GINM1: variants seen among roughly 807,000 people sequenced by gnomAD.
The protein encoded by GINM1 is glycoprotein integral membrane protein 1.
Under a neutral mutation model 37.8 loss-of-function variants are expected in GINM1, and 29 were observed. The ratio of observed to expected loss-of-function variants is 0.77; its 90% confidence interval spans 0.57 to 1.05. The LOEUF (loss-of-function observed/expected upper bound fraction) is 1.05, where lower values mean the gene tolerates loss of function less well. Among genes scored for constraint, GINM1 ranks in the 50% least tolerant of loss-of-function variants. The pLI is 0.00. For missense variants in GINM1, 377 were observed against 397.9 expected (o/e 0.95, Z 0.45); for synonymous variants, 143 against 146.2 (o/e 0.98, Z 0.16).
intron 3 of GINM1, among the ~76,000 whole-genome samples, chr6:149,574,225 ATT>A (rs879210892): frequency 2.0e-5 from 3 of 151,526 alleles, no homozygotes; most frequent in Admixed American, 6.6e-5. Flanking sequence ...TAATTTTTGT[ATT>A]TTTAGTAGAG....
intron 6 of GINM1, 186 bp downstream of exon 6, chr6:149,580,909 A>G: frequency 1.8e-6 from 1 of 551,932 alleles, no homozygotes; most frequent in Non-Finnish European, 3.2e-6. Flanking sequence ...TTTGTTTAAT[A>G]ATATTGTAGT....
rs2115052575 is a variant in GINM1, at chr6:149,566,510, G to A, written c.96G>A (p.Pro32=). The A allele has an allele frequency of 6.5e-7, 1 of 1,531,488 alleles. No homozygotes were observed. The allele number at this position is 1,531,488 out of a possible 1,614,324, so 94.9% of individuals were successfully genotyped here. A position where few individuals can be genotyped will look rare whatever the true frequency, so the allele number is the denominator to read the frequency against. The stretch of plus-strand genomic sequence containing the variant: ...GGCTGACGACGGGCGCCCCCGAGCC[G>A]CCGCCGCTGTCCGGAGCCCCACAGG... ...SGWLTTGAPE[P]PPLSGAPQDG... Residue 32 remains proline (P), a synonymous_variant, in exon 1 of 8, where the codon CCG becomes CCA. Coordinates refer to ENST00000367419, the MANE Select transcript of GINM1 (RefSeq NM_138785.5). The surrounding 1 kb of genome is among the most constrained non-coding windows in gnomAD (Gnocchi z 4.4).
intron 5 of GINM1, 145 bp downstream of exon 5, chr6:149,580,135 T>C (rs1048289190): frequency 1.4e-4 from 82 of 596,690 alleles, no homozygotes; most frequent in Non-Finnish European, 1.1e-4. Flanking sequence ...GGAAATGAGC[T>C]TGTTTAAAAA....
At chr6:149,575,685 C>G (rs1777903805) in intron 3 of GINM1, among the ~76,000 whole-genome samples, 1 of 152,168 alleles carries the variant, frequency 6.6e-6, no homozygotes, top group Non-Finnish European at 1.5e-5. Flanking sequence ...TACATCTTTT[C>G]TAGCAGTTCT....
intron 7 of GINM1, among the ~76,000 whole-genome samples, chr6:149,583,561 G>T (rs916454398): frequency 6.6e-6 from 1 of 151,596 alleles, no homozygotes; most frequent in Non-Finnish European, 1.5e-5. Context: ...CCCGGAAGGC[G>T]GAGGTTGTGG....
At chr6:149,585,903 A>C (rs1415106332) in intron 7 of GINM1, among the ~76,000 whole-genome samples, 1 of 152,110 alleles carries the variant, frequency 6.6e-6, no homozygotes, top group Non-Finnish European at 1.5e-5. Context: ...TTTTGTTCTT[A>C]AATTACTAAT....
intron 7 of GINM1, among the ~76,000 whole-genome samples, chr6:149,590,050 G>A (rs897238205): frequency 9.2e-5 from 14 of 151,784 alleles, no homozygotes; most frequent in South Asian, 4.2e-4. Context: ...TGATCTGCCC[G>A]CCTTGGCCTC....
Position 149,578,986 on chromosome 6 carries a change from G to T in GINM1, c.429+13G>T. 6.8e-7 allele frequency: 1 copy of T among 1,461,668 alleles called. No homozygotes were observed. The highest frequency in any genetic ancestry group is 2.3e-5 in the East Asian group (1 of 43,634). The allele number at this position is 1,461,668 out of a possible 1,614,324, so 90.5% of individuals were successfully genotyped here. ...TGATGGAAAACAAGTAAGATAGTAT[G>T]TTTATTAATTGGGAATTAAATGATA... On this transcript the variant is annotated intron_variant, in intron 4 of 7. Coordinates refer to ENST00000367419, the MANE Select transcript of GINM1 (RefSeq NM_138785.5).
At chr6:149,587,959 C>T (rs572552120) in intron 7 of GINM1, among the ~76,000 whole-genome samples, 6 of 152,274 alleles carry the variant, frequency 3.9e-5, no homozygotes, top group African/African-American at 1.4e-4. Context: ...AGGAGCTGTT[C>T]CAGGAAGCCA....
chr6:149,588,372 G>T (rs1466948271), intron 7 of GINM1, among the ~76,000 whole-genome samples: 1 of 152,092 alleles, frequency 6.6e-6, no homozygotes, highest in African/African-American at 2.4e-5. Flanking sequence ...TTTTTCAATT[G>T]TGTTGGCATT....
rs1158777199 is a variant in GINM1, at chr6:149,566,655, A to C, written c.120+121A>C. The C allele has an allele frequency of 2.0e-5, 26 of 1,298,594 alleles. No homozygotes were observed. The highest frequency in any genetic ancestry group is 2.6e-5 in the Non-Finnish European group (26 of 999,508). The allele number at this position is 1,298,594 out of a possible 1,614,324, so 80.4% of individuals were successfully genotyped here. On this transcript the variant is annotated intron_variant, in intron 1 of 7. Transcript: ENST00000367419. The surrounding 1 kb of genome is among the most constrained non-coding windows in gnomAD (Gnocchi z 4.4). ...GCAGGGGCGGGGGTCCGGGCCCCCG[A>C]AGGAGGTGTGGGGAGAAGCACCCCA...
At chr6:149,584,408 C>A (rs1778042447) in intron 7 of GINM1, 2 of 152,342 alleles carry the variant, frequency 1.3e-5, no homozygotes, top group African/African-American at 2.4e-5. Context: ...CTAATTTGAA[C>A]ATTTACTTTT....
rs550194728 is a variant in GINM1, at chr6:149,566,492, G to C, written c.78G>C (p.Thr26=). 2 of 1,543,864 alleles carry C rather than the reference G, an allele frequency of 1.3e-6. No homozygotes were observed. The highest frequency in any genetic ancestry group is 2.5e-5 in the East Asian group (1 of 40,474). The change falls in exon 1 of 8, where the codon ACG becomes ACC. Residue 26 remains threonine, a synonymous_variant. Transcript: ENST00000367419. The surrounding 1 kb of genome is among the most constrained non-coding windows in gnomAD (Gnocchi z 4.4). ...CGCTACCCGCCTCCGGCTGGCTGAC[G>C]ACGGGCGCCCCCGAGCCGCCGCCGC... is the stretch of plus-strand genomic sequence containing the variant. The part of the protein sequence containing the change: ...FVALPASGWL[T]TGAPEPPPLS...
intron 3 of GINM1, among the ~76,000 whole-genome samples, chr6:149,575,082 T>C (rs1423879653): frequency 6.6e-6 from 1 of 152,188 alleles, no homozygotes; most frequent in Admixed American, 6.5e-5. Flanking sequence ...CATAGTTACC[T>C]TTTTCATTGC....
intron 7 of GINM1, among the ~76,000 whole-genome samples, chr6:149,584,078 C>T (rs1373199746): frequency 2.6e-5 from 4 of 152,000 alleles, no homozygotes; most frequent in African/African-American, 9.7e-5. Context: ...TGGGTTCAAG[C>T]GATTCTCCTG....
At position 149,570,134 on chromosome 6, in the gene GINM1, TTTTATATATA is replaced by T. The variant is rs1406501884; in HGVS notation, c.121-2149_121-2140del. ...AAACTCTGTAATTTTACTAGGTAGG[TTTTATATATA>T]TATATATATATATATATATATATAT... On this transcript the variant is annotated intron_variant, in intron 1 of 7. Transcript: ENST00000367419. Among the ~76,000 whole-genome samples the T allele has an allele frequency of 5.3e-4, 51 of 96,126 alleles. 3 individuals carry two copies. The highest frequency in any genetic ancestry group is 1.8e-3 in the African/African-American group (38 of 20,640). The allele number at this position is 96,126 out of a possible 152,430, so 63.1% of individuals were successfully genotyped here.
chr6:149,568,186 T>C (rs1777751517), intron 1 of GINM1, among the ~76,000 whole-genome samples: 1 of 152,214 alleles, frequency 6.6e-6, no homozygotes, highest in Admixed American at 6.5e-5. Flanking sequence ...AGCCAGAGGA[T>C]TGCCTGAGAC....
chr6:149,580,450 C>A, intron 5 of GINM1, 143 bp from the exon 6 acceptor site: 1 of 661,512 alleles, frequency 1.5e-6, no homozygotes, highest in Non-Finnish European at 2.5e-6. Context: ...ACATTTAAAT[C>A]AGTGAACATT....
intron 3 of GINM1, among the ~76,000 whole-genome samples, chr6:149,576,594 C>CA (rs1777918102): frequency 6.7e-6 from 1 of 149,404 alleles, no homozygotes; most frequent in East Asian, 1.9e-4. Flanking sequence ...TTCAAAAGAA[C>CA]AAAAAAAGAA....
Sources: gnomAD v4.1 joint callset for allele counts (sites outside exome capture counted in the v4.1 genomes callset) on GRCh38, gnomAD v4.1.1 for gene constraint, Gnocchi (gnomAD v3.1) non-coding constraint, MANE v1.5 for transcripts, NCBI Gene and HGNC (gene_info 2026-07-23, HGNC 2026-07-21) for gene names.